The following NEK11 variants were observed in gnomAD, a reference collection of about 807,000 sequenced individuals.
The protein encoded by NEK11 is NIMA related kinase 11, also known as serine/threonine-protein kinase Nek11.
A neutral mutation model predicts 80.7 loss-of-function variants in NEK11; 72 were observed. That is an observed-to-expected ratio of 0.89 (90% confidence interval 0.74 to 1.08). The LOEUF is 1.08. Ranked by LOEUF, NEK11 falls within the 50% of genes least tolerant of loss-of-function variation. The pLI, the probability that NEK11 is intolerant of heterozygous loss-of-function variation, is 0.00. For synonymous variants in NEK11, 251 were observed against 260.7 expected (o/e 0.96, Z 0.36); for missense variants, 764 against 763.6 (o/e 1.00, Z -0.01).
At chr3:131,076,166 A>G (rs984874806) in intron 3 of NEK11, among the ~76,000 whole-genome samples, 2 of 152,106 alleles carry the variant, frequency 1.3e-5, no homozygotes, top group African/African-American at 2.4e-5. Context: ...GGGAGGCAAG[A>G]CTCACAGCCC....
chr3:131,338,190 C>T (rs568091911), intron 17 of NEK11, among the ~76,000 whole-genome samples: 2 of 151,072 alleles, frequency 1.3e-5, no homozygotes, highest in South Asian at 2.1e-4. Flanking sequence ...TGGTCTTGAT[C>T]TCCTGCCCTC....
chr3:131,114,646 G>C (rs112934861), intron 5 of NEK11, among the ~76,000 whole-genome samples: 7 of 152,134 alleles, frequency 4.6e-5, no homozygotes, highest in African/African-American at 1.7e-4. Context: ...AATGTCAGAG[G>C]GGGTGGAGAT....
chr3:131,202,137 C>T (rs189972873), intron 14 of NEK11, among the ~76,000 whole-genome samples: 101 of 152,176 alleles, frequency 6.6e-4, no homozygotes, highest in African/African-American at 2.2e-3. Flanking sequence ...TCCAAGAGGG[C>T]GGAATAGGAA....
intron 14 of NEK11, among the ~76,000 whole-genome samples, chr3:131,183,511 A>G (rs946632858): frequency 1.3e-5 from 2 of 152,012 alleles, no homozygotes; most frequent in African/African-American, 2.4e-5. Flanking sequence ...GCTCAGCTCC[A>G]GCTTATAAGT....
chr3:131,182,404 T>C (rs781646284), intron 14 of NEK11, among the ~76,000 whole-genome samples: 1 of 152,204 alleles, frequency 6.6e-6, no homozygotes, highest in Non-Finnish European at 1.5e-5. Flanking sequence ...CACTTCTGTC[T>C]TCAGGGAAGT....
At chr3:131,214,347 GC>G (rs764573739) in intron 14 of NEK11, among the ~76,000 whole-genome samples, 1 of 152,144 alleles carries the variant, frequency 6.6e-6, no homozygotes, top group African/African-American at 2.4e-5. Flanking sequence ...TAAACCAGTT[GC>G]CTAAAGTCAT....
intron 17 of NEK11, among the ~76,000 whole-genome samples, chr3:131,294,524 G>T (rs554070519): frequency 6.6e-6 from 1 of 151,950 alleles, no homozygotes; most frequent in South Asian, 2.1e-4. Flanking sequence ...GAGAAGATTT[G>T]TATTCTGCTG....
At chr3:131,160,738 C>A (rs1356992300) in intron 10 of NEK11, among the ~76,000 whole-genome samples, 1 of 152,108 alleles carries the variant, frequency 6.6e-6, no homozygotes, top group Non-Finnish European at 1.5e-5. Context: ...AAAAATCTAC[C>A]AAGCAAATGG....
At chr3:131,177,951 T>A (rs1212819801) in intron 14 of NEK11, among the ~76,000 whole-genome samples, 1 of 152,210 alleles carries the variant, frequency 6.6e-6, no homozygotes, top group Non-Finnish European at 1.5e-5. Context: ...CTAGATGTTA[T>A]AGCCTAATGC....
At chr3:131,307,272 C>T (rs983512878) in intron 17 of NEK11, among the ~76,000 whole-genome samples, 2 of 152,172 alleles carry the variant, frequency 1.3e-5, no homozygotes, top group African/African-American at 4.8e-5. Flanking sequence ...CTTCAGTATC[C>T]TTTACTGAGC....
intron 4 of NEK11, among the ~76,000 whole-genome samples, chr3:131,098,781 G>C (rs534767047): frequency 4.6e-5 from 7 of 151,428 alleles, no homozygotes; most frequent in Non-Finnish European, 1.0e-4. Flanking sequence ...TCACCATGTT[G>C]GTCAGGCTGA....
At chr3:131,257,369 C>T (rs1056331212) in intron 16 of NEK11, among the ~76,000 whole-genome samples, 5 of 152,140 alleles carry the variant, frequency 3.3e-5, no homozygotes, top group Non-Finnish European at 7.4e-5. Flanking sequence ...AGTTAGTCTT[C>T]GGCATTCATG....
intron 5 of NEK11, among the ~76,000 whole-genome samples, chr3:131,123,866 A>G (rs1321460740): frequency 2.0e-5 from 3 of 152,122 alleles, no homozygotes; most frequent in East Asian, 3.9e-4. Flanking sequence ...TTAATTGCAA[A>G]TAACAGAAGC....
chr3:131,272,463 C>CTTTTTTTTTCTTTTTTTTT (rs2096211646), intron 16 of NEK11, among the ~76,000 whole-genome samples: 1 of 43,884 alleles, frequency 2.3e-5, no homozygotes, highest in Non-Finnish European at 4.1e-5. Flanking sequence ...GTTTTAGCTT[C>CTTTTTTTTTCTTTTTTTTT]TTTTTTTTTT....
chr3:131,193,819 C>T (rs552094460), intron 14 of NEK11, among the ~76,000 whole-genome samples: 2 of 152,214 alleles, frequency 1.3e-5, no homozygotes, highest in East Asian at 3.9e-4. Flanking sequence ...ATATTTCTCC[C>T]AAGAGTTTGA....
At chr3:131,182,337 T>C (rs955260812) in intron 14 of NEK11, among the ~76,000 whole-genome samples, 1 of 152,188 alleles carries the variant, frequency 6.6e-6, no homozygotes, top group African/African-American at 2.4e-5. Flanking sequence ...TAATAGTGTG[T>C]ATAAGTGTGA....
chr3:131,129,099 G>A (rs2083918366), intron 5 of NEK11, among the ~76,000 whole-genome samples: 1 of 142,542 alleles, frequency 7.0e-6, no homozygotes, highest in African/African-American at 2.7e-5. Flanking sequence ...TGTCACGCAG[G>A]CGTGTCAGAG....
At chr3:131,283,637 T>G (rs2096432286) in intron 17 of NEK11, among the ~76,000 whole-genome samples, 1 of 152,152 alleles carries the variant, frequency 6.6e-6, no homozygotes, top group Non-Finnish European at 1.5e-5. Flanking sequence ...GAAGTAACCC[T>G]TTAATGGAGA....
At chr3:131,161,691 G>C (rs1454930883) in intron 10 of NEK11, among the ~76,000 whole-genome samples, 1 of 152,144 alleles carries the variant, frequency 6.6e-6, no homozygotes, top group Middle Eastern at 3.2e-3. Flanking sequence ...GAGGGTGGAG[G>C]GTGGGAGGAG....
Sources: gnomAD v4.1 joint callset for allele counts (sites outside exome capture counted in the v4.1 genomes callset) on GRCh38, gnomAD v4.1.1 for gene constraint, MANE v1.5 for transcripts, NCBI Gene and HGNC (gene_info 2026-07-23, HGNC 2026-07-21) for gene names.